The following FILIP1L variants were observed in gnomAD, a reference collection of about 807,000 sequenced individuals.
FILIP1L encodes the protein filamin A interacting protein 1 like, also known as filamin A-interacting protein 1-like.
In FILIP1L, 55 loss-of-function variants were observed where a neutral mutation model predicts 96.6. The observed-to-expected ratio is 0.57, with a 90% confidence interval of 0.46 to 0.71. The LOEUF (loss-of-function observed/expected upper bound fraction) is 0.71. Ranked by LOEUF, FILIP1L falls within the 30% of genes least tolerant of loss-of-function variation. The pLI, the probability that FILIP1L is intolerant of heterozygous loss-of-function variation, is 0.00. For synonymous variants in FILIP1L, 467 were observed against 473.9 expected (o/e 0.99, Z 0.19); for missense variants, 1,304 against 1,321.2 (o/e 0.99, Z 0.20).
chr3:100,005,452 C>A (rs1709961129), intron 1 of FILIP1L, among the ~76,000 whole-genome samples: 1 of 152,176 alleles, frequency 6.6e-6, no homozygotes, highest in Non-Finnish European at 1.5e-5. Context: ...GGGTTCCACC[C>A]AAGACCTACT....
chr3:99,941,581 G>A (rs1239503504), intron 1 of FILIP1L, among the ~76,000 whole-genome samples: 1 of 152,082 alleles, frequency 6.6e-6, no homozygotes, highest in Non-Finnish European at 1.5e-5. Flanking sequence ...GTCAACTGTG[G>A]GTATGCATCA....
Position 99,923,878 on chromosome 3 carries a change from CTT to C in FILIP1L, c.605+350_605+351del, listed in dbSNP as rs553161243. Among the ~76,000 whole-genome samples the C allele has an allele frequency of 4.6e-5, 7 of 152,204 alleles. 1 individual carries two copies. Among genetic ancestry groups the C allele is most frequent in the Non-Finnish European group, 1.0e-4 (7 of 68,024 alleles). ...CTTGAGTTCCCTCAAAATGCAGGTT[CTT>C]TTCTCACTTCTATACTAACACACTT... On this transcript the variant is annotated intron_variant, in intron 4 of 5. Coordinates refer to ENST00000477258, the MANE Select transcript of FILIP1L (RefSeq NM_001387850.1).
intron 4 of FILIP1L, among the ~76,000 whole-genome samples, chr3:99,915,349 G>A (rs1238112995): frequency 6.6e-6 from 1 of 152,152 alleles, no homozygotes; most frequent in Non-Finnish European, 1.5e-5. Flanking sequence ...AAGGGGCTGT[G>A]TAACAAAATA....
intron 4 of FILIP1L, among the ~76,000 whole-genome samples, chr3:99,857,845 G>C (rs1284433032): frequency 3.9e-5 from 6 of 152,098 alleles, no homozygotes; most frequent in African/African-American, 1.4e-4. Flanking sequence ...TGTAAATCTT[G>C]AATTTAATGT....
intron 1 of FILIP1L, among the ~76,000 whole-genome samples, chr3:99,994,899 G>A (rs1041295005): frequency 6.6e-6 from 1 of 152,066 alleles, no homozygotes; most frequent in Non-Finnish European, 1.5e-5. Context: ...ATCTCCCACC[G>A]GGTCCCTCCC....
At position 99,998,783 on chromosome 3, in the gene FILIP1L, A is replaced by G. The variant is rs1055559412; in HGVS notation, c.-10-67753T>C. Among the ~76,000 whole-genome samples, 11 of 152,178 alleles carry G rather than the reference A, an allele frequency of 7.2e-5. No individual in the cohort carries two copies. In the South Asian group the frequency reaches 1.9e-3, roughly 26 times the overall value. ...ACCGGGTTTCACCGTATTAGCCAGG[A>G]TGGTCTCGATCTCCTGACCTCGTGA... On this transcript the variant is annotated intron_variant, in intron 1 of 5. Transcript: ENST00000477258.
chr3:100,040,374 G>A (rs1319513269), intron 1 of FILIP1L: 3 of 151,850 alleles, frequency 2.0e-5, no homozygotes, highest in South Asian at 2.1e-4. Context: ...TTCTCTCCCC[G>A]AGAATCATTT....
At chr3:100,003,870 T>C (rs1387360088) in intron 1 of FILIP1L, among the ~76,000 whole-genome samples, 1 of 152,232 alleles carries the variant, frequency 6.6e-6, no homozygotes, top group Non-Finnish European at 1.5e-5. Context: ...CAACTACACC[T>C]GCTCAGCAAA....
chr3:99,983,454 ATATATGTG>A (rs1559713620), intron 1 of FILIP1L, among the ~76,000 whole-genome samples: 16 of 8,118 alleles, frequency 2.0e-3, no homozygotes, highest in African/African-American at 7.1e-3. Flanking sequence ...ATGTATATAT[ATATATGTG>A]TGTATATATA....
At chr3:99,900,128 T>C (rs1706388830) in intron 4 of FILIP1L, among the ~76,000 whole-genome samples, 1 of 152,156 alleles carries the variant, frequency 6.6e-6, no homozygotes, top group Non-Finnish European at 1.5e-5. Flanking sequence ...AGTAAATATG[T>C]ATTGGATGAA....
In FILIP1L at chr3:100,052,429, C is replaced by T. The variant is rs142034442; in HGVS notation, c.-11+61624G>A. 4.6e-3 allele frequency among the ~76,000 whole-genome samples: 707 copies of T among 152,166 alleles called. 2 individuals carry two copies. The highest frequency in any genetic ancestry group is 7.1e-3 in the South Asian group (34 of 4,810). ...GTGGTGGTGATGGTAGTGGTGTATC[C>T]GTGTGCATGTCCTATTAGAACTGAG... is the stretch of plus-strand genomic sequence containing the variant. On this transcript the variant is annotated intron_variant, in intron 1 of 5. Coordinates refer to ENST00000477258, the MANE Select transcript of FILIP1L (RefSeq NM_001387850.1).
In FILIP1L at chr3:99,917,142, G is replaced by A. The variant is rs569376777; in HGVS notation, c.605+7088C>T. ...AGTAACCACCAGCTAGTTAGTAGAT[G>A]TATTATAGAGTATTTACTGTATGTC... is the stretch of plus-strand genomic sequence containing the variant. On this transcript the variant is annotated intron_variant, in intron 4 of 5. Transcript: ENST00000477258. 5.9e-5 allele frequency among the ~76,000 whole-genome samples: 9 copies of A among 152,256 alleles called. No homozygotes were observed. In the South Asian group the frequency reaches 1.9e-3, roughly 32 times the overall value.
chr3:99,995,204 G>C (rs754364618), intron 1 of FILIP1L, among the ~76,000 whole-genome samples: 24 of 152,194 alleles, frequency 1.6e-4, no homozygotes, highest in South Asian at 4.1e-4. Flanking sequence ...GGTAAATACA[G>C]CTGTTCCAAA....
At chr3:99,888,941 G>T (rs554059249) in intron 4 of FILIP1L, among the ~76,000 whole-genome samples, 1 of 152,256 alleles carries the variant, frequency 6.6e-6, no homozygotes, top group South Asian at 2.1e-4. Context: ...TAGAGGAAGA[G>T]CATCTTTTTT....
At chr3:99,883,692 G>T (rs1032746798) in intron 4 of FILIP1L, among the ~76,000 whole-genome samples, 5 of 152,036 alleles carry the variant, frequency 3.3e-5, no homozygotes, top group Non-Finnish European at 7.4e-5. Context: ...TTCTATACTG[G>T]TTTTGTTTGT....
chr3:99,891,495 G>A (rs930709488), intron 4 of FILIP1L, among the ~76,000 whole-genome samples: 5 of 151,836 alleles, frequency 3.3e-5, no homozygotes, highest in African/African-American at 4.8e-5. Flanking sequence ...AATATTACTT[G>A]CCATCTTATA....
chr3:100,047,514 G>A (rs1467027127), intron 1 of FILIP1L, among the ~76,000 whole-genome samples: 1 of 152,082 alleles, frequency 6.6e-6, no homozygotes, highest in Non-Finnish European at 1.5e-5. Context: ...AACCAGCGAG[G>A]GTCATAAAGC....
intron 1 of FILIP1L, among the ~76,000 whole-genome samples, chr3:100,090,091 G>C (rs1469004228): frequency 6.6e-6 from 1 of 152,218 alleles, no homozygotes; most frequent in Non-Finnish European, 1.5e-5. Flanking sequence ...TTGCTTCACT[G>C]TCTGCAGCTG....
In FILIP1L at chr3:99,851,061, CT is replaced by C. The variant is rs747414783; in HGVS notation, c.614del (p.Lys205SerfsTer2). 4.4e-6 allele frequency: 7 copies of C among 1,576,994 alleles called. No individual in the cohort carries two copies. The South Asian group carries it at 4.7e-5, about 11-fold the overall frequency. On this transcript the variant is annotated frameshift_variant, in exon 5 of 6. Coordinates refer to ENST00000477258, the MANE Select transcript of FILIP1L (RefSeq NM_001387850.1). LOFTEE classifies it high-confidence loss of function. ...GAGACTTGATTTCTTGATCAATTAG[CT>C]TCTTTAATCTGAAAAATGTAAAGTG... ...LLEQECERLK[K>X]LIDQEIKSQE...
Sources: gnomAD v4.1 joint callset for allele counts (sites outside exome capture counted in the v4.1 genomes callset) on GRCh38, gnomAD v4.1.1 for gene constraint, MANE v1.5 for transcripts, NCBI Gene and HGNC (gene_info 2026-07-23, HGNC 2026-07-21) for gene names.